The following DAB2IP variants were observed in gnomAD, a reference collection of about 807,000 sequenced individuals.
DAB2IP encodes disabled homolog 2-interacting protein.
Under a neutral mutation model 107.2 loss-of-function variants are expected in DAB2IP, and 28 were observed. The ratio of observed to expected loss-of-function variants is 0.26; its 90% confidence interval spans 0.19 to 0.36. DAB2IP has a LOEUF of 0.36. Among genes scored for constraint, DAB2IP ranks in the 10% least tolerant of loss-of-function variants. The pLI is 1.00. For missense variants in DAB2IP, 1,400 were observed against 1,644.7 expected (o/e 0.85, Z 2.57); for synonymous variants, 755 against 706.4 (o/e 1.07, Z -1.09).
At chr9:121,756,348 G>A (rs939741990) in intron 3 of DAB2IP, among the ~76,000 whole-genome samples, 14 of 152,142 alleles carry the variant, frequency 9.2e-5, no homozygotes, top group South Asian at 4.1e-4. Context: ...TGCCTGTGTC[G>A]GAGCCACTGA....
intron 3 of DAB2IP, among the ~76,000 whole-genome samples, chr9:121,749,612 G>A (rs1832963685): frequency 6.6e-6 from 1 of 152,228 alleles, no homozygotes; most frequent in Non-Finnish European, 1.5e-5. Context: ...AGATGGCTGT[G>A]CTTGGGAGTC....
At chr9:121,609,145 A>G (rs578237360) in intron 1 of DAB2IP, among the ~76,000 whole-genome samples, 2 of 152,172 alleles carry the variant, frequency 1.3e-5, no homozygotes, top group Admixed American at 6.6e-5. Context: ...GGGTTTTGCC[A>G]TGTTGGCCGG....
Position 121,633,285 on chromosome 9 carries a change from G to T in DAB2IP, c.41-45393G>T, listed in dbSNP as rs1030877457. ...CGAGGCCCAGAGAGAGGACATTCCC[G>T]CTTGACCCTCCCCAGGCCTATAAAT... On this transcript the variant is annotated intron_variant, in intron 1 of 16. Transcript: ENST00000259371. This position sits in a 1 kb window ranked among gnomAD's most constrained non-coding sequence, Gnocchi z 5.1. Among the ~76,000 whole-genome samples, 5 of 152,048 alleles carry T rather than the reference G, an allele frequency of 3.3e-5. No homozygotes were observed. Among genetic ancestry groups the T allele is most frequent in the African/African-American group, 1.2e-4 (5 of 41,396 alleles).
intron 1 of DAB2IP, among the ~76,000 whole-genome samples, chr9:121,674,897 T>G (rs1178648878): frequency 2.7e-5 from 4 of 148,756 alleles, no homozygotes; most frequent in East Asian, 3.9e-4. Context: ...GTGTGTGTGG[T>G]GTGTGTGTGT....
chr9:121,782,300 T>C lies in DAB2IP; in HGVS notation c.3403-31T>C, dbSNP rs1167699853. ...ACACAGCCCTAAGGAGCCTGTCCCATGACCCCCGCTCACATCCCCATTGTC... is the reference window on the plus strand; with the variant it reads ...ACACAGCCCTAAGGAGCCTGTCCCACGACCCCCGCTCACATCCCCATTGTC... On this transcript the variant is annotated intron_variant, in intron 15 of 15. Transcript: ENST00000408936. The surrounding 1 kb of genome is among the most constrained non-coding windows in gnomAD (Gnocchi z 6.1). 1.0e-5 allele frequency: 16 copies of C among 1,604,034 alleles called. No individual in the cohort carries two copies. The Admixed American group carries it at 2.3e-4, about 24-fold the overall frequency.
chr9:121,571,616 C>T (rs970076715), intron 1 of DAB2IP, among the ~76,000 whole-genome samples: 2 of 152,096 alleles, frequency 1.3e-5, no homozygotes, highest in African/African-American at 4.8e-5. Context: ...GAGCAAAGCG[C>T]CTTTCGTCTA....
At chr9:121,719,084 A>G (rs1428526879) in intron 3 of DAB2IP, among the ~76,000 whole-genome samples, 3 of 152,198 alleles carry the variant, frequency 2.0e-5, no homozygotes, top group East Asian at 1.9e-4. Flanking sequence ...TAGCTCCTTC[A>G]TAGCTCCTCA....
At chr9:121,710,543 G>A (rs530965790) in intron 3 of DAB2IP, among the ~76,000 whole-genome samples, 4 of 152,322 alleles carry the variant, frequency 2.6e-5, no homozygotes, top group South Asian at 4.1e-4. Flanking sequence ...GGGCAGAGCT[G>A]ATGAGCTGTG....
At chr9:121,722,582 G>T (rs1831002753) in intron 3 of DAB2IP, among the ~76,000 whole-genome samples, 1 of 152,190 alleles carries the variant, frequency 6.6e-6, no homozygotes, top group Non-Finnish European at 1.5e-5. Flanking sequence ...CCAGAGAGGG[G>T]ACTGAAACCC....
At chr9:121,652,307 C>T (rs1026891426) in intron 1 of DAB2IP, among the ~76,000 whole-genome samples, 4 of 152,288 alleles carry the variant, frequency 2.6e-5, no homozygotes, top group Admixed American at 1.3e-4. Context: ...TTAACGGGCT[C>T]CCCACCTCTT....
intron 1 of DAB2IP, among the ~76,000 whole-genome samples, chr9:121,604,094 G>A (rs576414709): frequency 2.0e-4 from 30 of 152,104 alleles, no homozygotes; most frequent in Non-Finnish European, 3.7e-4. Flanking sequence ...GTGATGGTGG[G>A]AATGACTGGG....
chr9:121,713,921 C>T (rs1475275131), intron 3 of DAB2IP, among the ~76,000 whole-genome samples: 1 of 152,200 alleles, frequency 6.6e-6, no homozygotes, highest in Non-Finnish European at 1.5e-5. Flanking sequence ...AGATCCAGAT[C>T]CGACGCCCTG....
Position 121,684,279 on chromosome 9 carries a change from G to A in DAB2IP, c.228+5498G>A, listed in dbSNP as rs1029133771. 6.6e-6 allele frequency among the ~76,000 whole-genome samples: 1 copy of A among 152,064 alleles called. No homozygotes were observed. The highest frequency in any genetic ancestry group is 2.1e-4 in the South Asian group (1 of 4,824). On this transcript the variant is annotated intron_variant, in intron 2 of 15. Transcript: ENST00000408936. The surrounding 1 kb of genome is among the most constrained non-coding windows in gnomAD (Gnocchi z 4.0). ...AGAGGAGGGACTGAGAATCATAGAC[G>A]GGAGGGTCCTTTCCTGAGGTCACAC...
In DAB2IP at chr9:121,651,953, C is replaced by G. The variant is rs1281993602; in HGVS notation, c.124+54C>G. On this transcript the variant is annotated intron_variant, in intron 1 of 15. Coordinates refer to ENST00000408936, the Ensembl canonical transcript of DAB2IP. This position sits in a 1 kb window ranked among gnomAD's most constrained non-coding sequence, Gnocchi z 5.1. The stretch of plus-strand genomic sequence containing the variant: ...AGACCCTCCTAAGGCCACTAAGCCA[C>G]CTGATGCCCTGGGATGCTAGGGACC... 23 of 1,237,540 alleles carry G rather than the reference C, an allele frequency of 1.9e-5. No individual in the cohort carries two copies. Among genetic ancestry groups the G allele is most frequent in the Admixed American group, 1.6e-4 (4 of 24,946 alleles). The allele number at this position is 1,237,540 out of a possible 1,614,324, so 76.7% of individuals were successfully genotyped here.
Position 121,782,420 on chromosome 9 carries a change from T to G in DAB2IP, c.3492T>G (p.Arg1164=), listed in dbSNP as rs1835731867. ...AAGAGAGGTACAGCATGCAAGCCCG[T>G]AACGGCATCTCCCCCACCAACCCCA... Residue 1164 remains arginine, a synonymous_variant, in exon 16 of 16, where the codon CGT becomes CGG. Transcript: ENST00000408936. The surrounding 1 kb of genome is among the most constrained non-coding windows in gnomAD (Gnocchi z 6.1). The G allele has an allele frequency of 6.2e-7, 1 of 1,614,088 alleles. No homozygotes were observed. The highest frequency in any genetic ancestry group is 8.5e-7 in the Non-Finnish European group (1 of 1,179,978).
intron 1 of DAB2IP, among the ~76,000 whole-genome samples, chr9:121,626,750 TGG>T (rs1831663087): frequency 2.0e-5 from 3 of 152,114 alleles, no homozygotes; most frequent in African/African-American, 7.2e-5. Context: ...CAGCACCCCC[TGG>T]TTTGAGCTTT....
intron 1 of DAB2IP, among the ~76,000 whole-genome samples, chr9:121,595,117 T>C (rs958525941): frequency 6.6e-6 from 1 of 152,058 alleles, no homozygotes; most frequent in African/African-American, 2.4e-5. Context: ...GAGCACTTCC[T>C]CATGAGCCAG....
intron 3 of DAB2IP, chr9:121,751,886 A>T (rs1589641509): frequency 1.0e-6 from 1 of 975,046 alleles, no homozygotes; most frequent in South Asian, 4.7e-5. Flanking sequence ...AGGGCAGGTC[A>T]CCCTAGCCAT....
chr9:121,777,082 G>A (rs1474183909), intron 14 of DAB2IP, among the ~76,000 whole-genome samples: 1 of 152,156 alleles, frequency 6.6e-6, no homozygotes, highest in Admixed American at 6.5e-5. Flanking sequence ...TATGGGTAGG[G>A]CATCCCTACC....
Sources: gnomAD v4.1 joint callset for allele counts (sites outside exome capture counted in the v4.1 genomes callset) on GRCh38, gnomAD v4.1.1 for gene constraint, Gnocchi (gnomAD v3.1) non-coding constraint, MANE v1.5 for transcripts, NCBI Gene and HGNC (gene_info 2026-07-23, HGNC 2026-07-21) for gene names.